PCDH9: variants seen among roughly 807,000 people sequenced by gnomAD.
PCDH9 encodes protocadherin-9.
A neutral mutation model predicts 70.6 loss-of-function variants in PCDH9; 24 were observed. The observed-to-expected ratio is 0.34, with a 90% confidence interval of 0.25 to 0.48. The LOEUF is 0.48. Ranked by LOEUF, PCDH9 falls within the 20% of genes least tolerant of loss-of-function variation. PCDH9 has a pLI of 0.99. For synonymous variants in PCDH9, 562 were observed against 558.5 expected (o/e 1.01, Z -0.09); for missense variants, 1,281 against 1,503.6 (o/e 0.85, Z 2.45).
chr13:67,171,800 G>A (rs932204992), intron 2 of PCDH9, among the ~76,000 whole-genome samples: 3 of 152,232 alleles, frequency 2.0e-5, no homozygotes, highest in Non-Finnish European at 4.4e-5. Flanking sequence ...CCTACAAAGT[G>A]GGAAAATGTA....
intron 4 of PCDH9, among the ~76,000 whole-genome samples, chr13:66,429,658 A>G (rs934298037): frequency 6.6e-6 from 1 of 151,886 alleles, no homozygotes; most frequent in African/African-American, 2.4e-5. Flanking sequence ...GACATCATTC[A>G]TAATGTCAGA....
intron 3 of PCDH9, among the ~76,000 whole-genome samples, chr13:66,787,281 T>C (rs944983191): frequency 2.6e-5 from 4 of 152,136 alleles, no homozygotes; most frequent in Non-Finnish European, 5.9e-5. Flanking sequence ...GTTAGTATTT[T>C]TCCAAAGTGA....
chr13:67,226,966 C>T lies in PCDH9; in HGVS notation c.1475G>A (p.Ser492Asn), dbSNP rs764767362. The T allele has an allele frequency of 3.1e-6, 5 of 1,614,090 alleles. No homozygotes were observed. The highest frequency in any genetic ancestry group is 4.2e-6 in the Non-Finnish European group (5 of 1,180,040). Residue 492 changes from serine to asparagine, a missense_variant, in exon 2 of 5, where the codon AGT becomes AAT. By Grantham distance (46) the Ser-to-Asn change is conservative (BLOSUM62 1). Transcript: ENST00000377865. The surrounding 1 kb of genome is among the most constrained non-coding windows in gnomAD (Gnocchi z 5.0). ...TTTCCCACTGTCTTCATCTGTGGCA[C>T]TAATAGTTGTTAAGTATAACCCACG... is the stretch of plus-strand genomic sequence containing the variant. ...NRRGLYLTTI[S>N]ATDEDSGKNA... is the part of the protein sequence containing the mutation.
chr13:66,998,571 T>C (rs974842241), intron 2 of PCDH9, among the ~76,000 whole-genome samples: 1 of 152,214 alleles, frequency 6.6e-6, no homozygotes, highest in Non-Finnish European at 1.5e-5. Flanking sequence ...TTTTACTTAG[T>C]TGGTGAAAGA....
intron 3 of PCDH9, among the ~76,000 whole-genome samples, chr13:66,685,645 G>A (rs895394264): frequency 2.0e-4 from 31 of 152,128 alleles, no homozygotes; most frequent in Non-Finnish European, 2.2e-4. Flanking sequence ...TGGAAAAGCC[G>A]CAGGCACTTA....
intron 3 of PCDH9, among the ~76,000 whole-genome samples, chr13:66,636,127 A>C (rs1453345882): frequency 2.0e-5 from 3 of 152,274 alleles, no homozygotes; most frequent in Admixed American, 1.3e-4. Context: ...ACATATACCA[A>C]GTGTTTAAAG....
chr13:66,682,130 T>C (rs538046494), intron 3 of PCDH9, among the ~76,000 whole-genome samples: 15 of 152,008 alleles, frequency 9.9e-5, no homozygotes, highest in Middle Eastern at 3.4e-3. Context: ...AGATTCATTT[T>C]TCTCATTATC....
chr13:66,890,344 C>A (rs934203707), intron 3 of PCDH9, among the ~76,000 whole-genome samples: 1 of 151,390 alleles, frequency 6.6e-6, no homozygotes, highest in African/African-American at 2.4e-5. Flanking sequence ...TCTATGAGTT[C>A]TGAAAAACAC....
At chr13:67,151,520 T>C (rs2087660959) in intron 2 of PCDH9, among the ~76,000 whole-genome samples, 1 of 152,084 alleles carries the variant, frequency 6.6e-6, no homozygotes, top group African/African-American at 2.4e-5. Context: ...AAAATAGGCA[T>C]AGTTTTGACT....
chr13:66,555,075 A>G (rs1365020514), intron 4 of PCDH9, among the ~76,000 whole-genome samples: 1 of 152,170 alleles, frequency 6.6e-6, no homozygotes, highest in Admixed American at 6.5e-5. Flanking sequence ...AGGCTGAGGC[A>G]GGAGAATTGC....
rs115317520 is a variant in PCDH9 at position 66,708,691 on chromosome 13, T to A, written c.3139-77280A>T. 2.1e-3 allele frequency among the ~76,000 whole-genome samples: 320 copies of A among 152,330 alleles called. 1 individual carries two copies. The highest frequency in any genetic ancestry group is 7.6e-3 in the African/African-American group (314 of 41,576). ...TGGAAGATACATGGCTTCCTCAGTCTAAGTATGTGACTCAAATAACAGACA... is the reference window on the plus strand; with the variant it reads ...TGGAAGATACATGGCTTCCTCAGTCAAAGTATGTGACTCAAATAACAGACA... On this transcript the variant is annotated intron_variant, in intron 3 of 4. Transcript: ENST00000377865.
chr13:67,024,086 A>G (rs377073068), intron 2 of PCDH9, among the ~76,000 whole-genome samples: 1 of 152,170 alleles, frequency 6.6e-6, no homozygotes, highest in Non-Finnish European at 1.5e-5. Flanking sequence ...CCTGCAGGCA[A>G]CTATTAGCTC....
At chr13:66,871,154 C>T (rs1332947960) in intron 3 of PCDH9, among the ~76,000 whole-genome samples, 3 of 150,766 alleles carry the variant, frequency 2.0e-5, no homozygotes, top group African/African-American at 4.9e-5. Flanking sequence ...AACCAAGCAC[C>T]GCATATTCTC....
At chr13:67,158,004 A>G (rs770963706) in intron 2 of PCDH9, among the ~76,000 whole-genome samples, 2 of 152,236 alleles carry the variant, frequency 1.3e-5, no homozygotes, top group African/African-American at 2.4e-5. Context: ...AATGAGATGG[A>G]GCGAGTTTAA....
chr13:67,091,786 G>C (rs774554375), intron 2 of PCDH9, among the ~76,000 whole-genome samples: 3 of 151,968 alleles, frequency 2.0e-5, no homozygotes, highest in Non-Finnish European at 4.4e-5. Flanking sequence ...ATAGTTCCTC[G>C]GTCATGTCAT....
At chr13:66,931,353 T>C (rs1342460261) in intron 2 of PCDH9, among the ~76,000 whole-genome samples, 3 of 152,026 alleles carry the variant, frequency 2.0e-5, no homozygotes, top group Admixed American at 2.0e-4. Flanking sequence ...ACAAACAATA[T>C]ATTAGGAATA....
chr13:66,656,868 G>A (rs1421786217), intron 3 of PCDH9, among the ~76,000 whole-genome samples: 6 of 152,162 alleles, frequency 3.9e-5, no homozygotes, highest in Non-Finnish European at 8.8e-5. Flanking sequence ...TATTTACCTC[G>A]TGGATTCCAA....
chr13:67,128,330 G>T (rs550691080), intron 2 of PCDH9, among the ~76,000 whole-genome samples: 2 of 152,304 alleles, frequency 1.3e-5, no homozygotes, highest in South Asian at 4.1e-4. Context: ...CACAATGCAA[G>T]TATCTCTGAG....
intron 3 of PCDH9, among the ~76,000 whole-genome samples, chr13:66,875,050 T>C (rs1281685374): frequency 6.6e-6 from 1 of 151,750 alleles, no homozygotes; most frequent in African/African-American, 2.4e-5. Flanking sequence ...TGACACTTCA[T>C]AAATACATGA....
Sources: gnomAD v4.1 joint callset for allele counts (sites outside exome capture counted in the v4.1 genomes callset) on GRCh38, gnomAD v4.1.1 for gene constraint, Gnocchi (gnomAD v3.1) non-coding constraint, MANE v1.5 for transcripts, NCBI Gene and HGNC (gene_info 2026-07-23, HGNC 2026-07-21) for gene names.